The following C20orf204 variants were observed in gnomAD, a reference collection of about 807,000 sequenced individuals.
C20orf204 encodes the protein uncharacterized protein C20orf204.
Under a neutral mutation model 3.6 loss-of-function variants are expected in C20orf204, and 6 were observed. That is an observed-to-expected ratio of 1.68 (90% CI 0.92 to 3.31). The LOEUF is 3.31. Ranked by LOEUF, C20orf204 falls within the 30% of genes most tolerant of loss-of-function variation. C20orf204 has a pLI of 0.00. For synonymous variants in C20orf204, 80 were observed against 41.4 expected (o/e 1.93, Z -3.58); for missense variants, 167 against 89.7 (o/e 1.86, Z -3.48).
At chr20:64,037,870 T>C (rs529265979) in intron 1 of C20orf204, 57 bp from the exon 2 acceptor site, 141 of 406,438 alleles carry the variant, frequency 3.5e-4, no homozygotes, top group African/African-American at 2.3e-3. Flanking sequence ...GTGGGCTGGC[T>C]GCTCCCTGTG....
At chr20:64,038,256 C>T (rs1306427958) in intron 2 of C20orf204, 40 bp from the exon 3 acceptor site, 7 of 740,994 alleles carry the variant, frequency 9.4e-6, no homozygotes, top group African/African-American at 7.1e-5. Context: ...CTCTCAGTTT[C>T]CCCCCACCCC....
intron 1 of C20orf204, chr20:64,037,461 T>C (rs2145409250): frequency 6.3e-6 from 1 of 157,660 alleles, no homozygotes; most frequent in East Asian, 1.9e-4. Context: ...CTTCCTACTG[T>C]ACCCCCAAGA....
chr20:64,038,817 G>A lies in C20orf204; in HGVS notation c.*58G>A, dbSNP rs768408354. On this transcript the variant is annotated 3_prime_UTR_variant, in exon 4 of 4. Coordinates refer to ENST00000636176, the MANE Select transcript of C20orf204 (RefSeq NM_001387010.1). ...AACCAGCGGGGCCGCGGCAGAGCCT[G>A]GAGACGCGCCTCGTTCTGTAGACTT... The A allele has an allele frequency of 8.5e-6, 6 of 703,156 alleles. No homozygotes were observed. The South Asian group carries it at 9.0e-5, about 11-fold the overall frequency. 43.6% of individuals were successfully genotyped at this position (703,156 alleles called of 1,614,324 possible). A position where few individuals can be genotyped will look rare whatever the true frequency, so the allele number is the denominator to read the frequency against.
In C20orf204 at chr20:64,038,831, TTC is replaced by T; in HGVS notation, c.*74_*75del. ...CGGCAGAGCCTGGAGACGCGCCTCGTTCTGTAGACTTGTTGGTGACCTCGGCC... is the reference window on the plus strand; with the variant it reads ...CGGCAGAGCCTGGAGACGCGCCTCGTTGTAGACTTGTTGGTGACCTCGGCC... On this transcript the variant is annotated 3_prime_UTR_variant, in exon 4 of 4. Transcript: ENST00000636176. 1 of 712,284 alleles carries T rather than the reference TTC, an allele frequency of 1.4e-6. No individual in the cohort carries two copies. The highest frequency in any genetic ancestry group is 1.5e-5 in the South Asian group (1 of 67,772). The allele number at this position is 712,284 out of a possible 1,614,324, so 44.1% of individuals were successfully genotyped here.
rs763967705 is a variant in C20orf204, at chr20:64,038,600, C to T, written c.433-22C>T. On this transcript the variant is annotated intron_variant, in intron 3 of 3. Transcript: ENST00000636176. ...CGGGCGCGGGGGCCGTGCGCATTCG[C>T]TGACCGCCCTGTCCCCGACAGCGGA... The T allele has an allele frequency of 1.9e-4, 98 of 527,722 alleles. No individual in the cohort carries two copies. In the Middle Eastern group the frequency reaches 1.9e-3, roughly 10 times the overall value. 32.7% of individuals were successfully genotyped at this position (527,722 alleles called of 1,614,324 possible). A position where few individuals can be genotyped will look rare whatever the true frequency, so the allele number is the denominator to read the frequency against.
chr20:64,035,939 G>C (rs530938488), upstream of C20orf204: 1 of 152,466 alleles, frequency 6.6e-6, no homozygotes, highest in Non-Finnish European at 1.5e-5. Context: ...CCCACGCGGC[G>C]CCTCACCCCT....
chr20:64,038,296 GAGC>G lies in C20orf204; in HGVS notation c.282_284del (p.Glu94_His95delinsAsp). 1.3e-6 allele frequency: 1 copy of G among 754,570 alleles called. No homozygotes were observed. Among genetic ancestry groups the G allele is most frequent in the Non-Finnish European group, 2.5e-6 (1 of 407,264 alleles). 46.7% of individuals were successfully genotyped at this position (754,570 alleles called of 1,614,324 possible). A position where few individuals can be genotyped will look rare whatever the true frequency, so the allele number is the denominator to read the frequency against. On this transcript the variant is annotated inframe_deletion and splice_region_variant, in exon 3 of 4. Coordinates refer to ENST00000636176, the MANE Select transcript of C20orf204 (RefSeq NM_001387010.1). The stretch of plus-strand genomic sequence containing the variant: ...CCGCCTTCCTCCCTTCCCTCCCCAG[GAGC>G]ACAGTATCCTCCTGTCCATCTCGTC...
chr20:64,038,937 G>A lies in C20orf204; in HGVS notation c.*178G>A, dbSNP rs949284544. ...GCGCGCCTGGCCGCCGCTGGGTCAC[G>A]GAGGAGGCCCGCCCTCCACGCGCCG... On this transcript the variant is annotated 3_prime_UTR_variant, in exon 4 of 4. Coordinates refer to ENST00000636176, the MANE Select transcript of C20orf204 (RefSeq NM_001387010.1). The A allele has an allele frequency of 2.8e-6, 2 of 726,396 alleles. 1 individual carries two copies. Among genetic ancestry groups the A allele is most frequent in the Middle Eastern group, 4.7e-4 (2 of 4,268 alleles). 45.0% of individuals were successfully genotyped at this position (726,396 alleles called of 1,614,324 possible). A position where few individuals can be genotyped will look rare whatever the true frequency, so the allele number is the denominator to read the frequency against.
In C20orf204 at chr20:64,038,819, A is replaced by T; in HGVS notation, c.*60A>T. On this transcript the variant is annotated 3_prime_UTR_variant, in exon 4 of 4. Transcript: ENST00000636176. ...CCAGCGGGGCCGCGGCAGAGCCTGG[A>T]GACGCGCCTCGTTCTGTAGACTTGT... 1 of 703,818 alleles carries T rather than the reference A, an allele frequency of 1.4e-6. No homozygotes were observed. Among genetic ancestry groups the T allele is most frequent in the Non-Finnish European group, 2.6e-6 (1 of 379,354 alleles). 43.6% of individuals were successfully genotyped at this position (703,818 alleles called of 1,614,324 possible).
chr20:64,037,858 A>G, intron 1 of C20orf204, 69 bp from the exon 2 acceptor site: 1 of 405,608 alleles, frequency 2.5e-6, no homozygotes. Flanking sequence ...AACAAAGTGC[A>G]GGTGGGCTGG....
In C20orf204 at chr20:64,038,628, C is replaced by G; in HGVS notation, c.439C>G (p.Arg147Gly). Residue 147 changes from arginine (R) to glycine (G), a missense_variant, in exon 4 of 4, where the codon CGG becomes GGG. Arg to Gly is a moderately radical substitution (Grantham distance 125). Transcript: ENST00000636176. Reference protein sequence around the residue: ...RHCRTLRQRSRRPKMRPARRR... With the variant: ...RHCRTLRQRSGRPKMRPARRR... ...ACCGCCCTGTCCCCGACAGCGGAGC[C>G]GGCGGCCCAAGATGCGCCCTGCCCG... 1 of 579,216 alleles carries G rather than the reference C, an allele frequency of 1.7e-6. No individual in the cohort carries two copies. The highest frequency in any genetic ancestry group is 3.0e-6 in the Non-Finnish European group (1 of 331,680). 35.9% of individuals were successfully genotyped at this position (579,216 alleles called of 1,614,324 possible).
At chr20:64,035,880 G>A (rs1473814324), upstream of C20orf204, 2 of 152,576 alleles carry the variant, frequency 1.3e-5, no homozygotes, top group Non-Finnish European at 2.9e-5. Flanking sequence ...GTCGGCCCCA[G>A]TCTCACCTGG....
At chr20:64,035,761 C>G (rs1338917603), upstream of C20orf204, 1 of 152,266 alleles carries the variant, frequency 6.6e-6, no homozygotes, top group African/African-American at 2.4e-5. Context: ...GGGCAGGGCC[C>G]CCTGGATGTC....
At chr20:64,037,692 A>G in intron 1 of C20orf204, 3 of 391,916 alleles carry the variant, frequency 7.7e-6, no homozygotes, top group Non-Finnish European at 1.3e-5. Flanking sequence ...ACATCTTTGC[A>G]GGGAGCATAG....
rs758640814 is a variant in C20orf204 at position 64,038,429 on chromosome 20, A to T, written c.413A>T (p.His138Leu). 1.3e-6 allele frequency: 1 copy of T among 767,482 alleles called. No homozygotes were observed. The highest frequency in any genetic ancestry group is 1.7e-5 in the Admixed American group (1 of 58,216). 47.5% of individuals were successfully genotyped at this position (767,482 alleles called of 1,614,324 possible). Reference protein sequence around the residue: ...AVRTEAVMRRHCRTLRQRSRR... With the variant: ...AVRTEAVMRRLCRTLRQRSRR... ...CGCACCGAGGCGGTGATGCGGCGCCACTGCAGGACGCTGCGCCAGGTGTGC... is the reference window on the plus strand; with the variant it reads ...CGCACCGAGGCGGTGATGCGGCGCCTCTGCAGGACGCTGCGCCAGGTGTGC... Residue 138 changes from histidine (H) to leucine (L), a missense_variant, in exon 3 of 4, where the codon CAC becomes CTC. By Grantham distance (99) the His-to-Leu change is moderately conservative (BLOSUM62 -3). Transcript: ENST00000636176.
At chr20:64,037,893 C>G (rs1008279275) in intron 1 of C20orf204, 34 bp from the exon 2 acceptor site, 2 of 422,218 alleles carry the variant, frequency 4.7e-6, no homozygotes, top group Non-Finnish European at 8.4e-6. Flanking sequence ...GGGAACACCC[C>G]CCAGGCCTAA....
rs778206065 is a variant in C20orf204 at position 64,038,782 on chromosome 20, C to A, written c.*23C>A. On this transcript the variant is annotated 3_prime_UTR_variant, in exon 4 of 4. Transcript: ENST00000636176. ...TAGCGCGGCCCGTCCTGGCCCTGCGCGGGGAGGAGAACCAGCGGGGCCGCG... is the reference window on the plus strand; with the variant it reads ...TAGCGCGGCCCGTCCTGGCCCTGCGAGGGGAGGAGAACCAGCGGGGCCGCG... The A allele has an allele frequency of 1.4e-6, 1 of 697,104 alleles. No homozygotes were observed. Among genetic ancestry groups the A allele is most frequent in the South Asian group, 1.5e-5 (1 of 66,124 alleles). The allele number at this position is 697,104 out of a possible 1,614,324, so 43.2% of individuals were successfully genotyped here.
In C20orf204 at chr20:64,038,216, G is replaced by C. The variant is rs749496094; in HGVS notation, c.279+14G>C. The C allele has an allele frequency of 1.3e-5, 9 of 708,628 alleles. No homozygotes were observed. The African/African-American group carries it at 1.6e-4, about 13-fold the overall frequency. 43.9% of individuals were successfully genotyped at this position (708,628 alleles called of 1,614,324 possible). ...GGCGCCCAGAAGGTATGGAGGAGGC[G>C]CCCCTACCCAAGCTCGCCGGCCTGC... On this transcript the variant is annotated intron_variant, in intron 2 of 3. Coordinates refer to ENST00000636176, the MANE Select transcript of C20orf204 (RefSeq NM_001387010.1).
chr20:64,037,968 G>C lies in C20orf204; in HGVS notation c.45G>C (p.Leu15=), dbSNP rs1289313631. The C allele has an allele frequency of 2.0e-6, 1 of 502,870 alleles. No individual in the cohort carries two copies. The highest frequency in any genetic ancestry group is 3.5e-6 in the Non-Finnish European group (1 of 287,176). The allele number at this position is 502,870 out of a possible 1,614,324, so 31.2% of individuals were successfully genotyped here. A position where few individuals can be genotyped will look rare whatever the true frequency, so the allele number is the denominator to read the frequency against. ...KPALWALLLA[L]LGTAPSRAYS... Reference sequence around the variant, plus strand: ...CACTCTGGGCGCTCCTGCTGGCGCTGCTGGGGACCGCGCCAAGCCGCGCCT... The same window carrying C: ...CACTCTGGGCGCTCCTGCTGGCGCTCCTGGGGACCGCGCCAAGCCGCGCCT... The change falls in exon 2 of 4, where the codon CTG becomes CTC. Residue 15 remains leucine, a synonymous_variant. Transcript: ENST00000636176.
Sources: gnomAD v4.1 joint callset for allele counts on GRCh38, gnomAD v4.1.1 for gene constraint, MANE v1.5 for transcripts, NCBI Gene and HGNC (gene_info 2026-07-23, HGNC 2026-07-21) for gene names.